The following ADAMTS18 variants were observed in gnomAD, a reference collection of about 807,000 sequenced individuals.
The protein encoded by ADAMTS18 is A disintegrin and metalloproteinase with thrombospondin motifs 18.
A neutral mutation model predicts 165.9 loss-of-function variants in ADAMTS18; 157 were observed. That is an observed-to-expected ratio of 0.95 (90% confidence interval 0.83 to 1.08). The LOEUF (loss-of-function observed/expected upper bound fraction) is 1.08. Ranked by LOEUF, ADAMTS18 falls within the 50% of genes least tolerant of loss-of-function variation. The pLI is 0.00. For synonymous variants in ADAMTS18, 782 were observed against 578.2 expected (o/e 1.35, Z -5.06); for missense variants, 2,040 against 1,534.0 (o/e 1.33, Z -5.51).
Position 77,283,530 on chromosome 16 carries a change from A to T in ADAMTS18, c.*426T>A, listed in dbSNP as rs1189193831. 3 of 200,546 alleles carry T rather than the reference A, an allele frequency of 1.5e-5. No individual in the cohort carries two copies. The highest frequency in any genetic ancestry group is 2.8e-4 in the East Asian group (2 of 7,238). The allele number at this position is 200,546 out of a possible 1,614,324, so 12.4% of individuals were successfully genotyped here. A position where few individuals can be genotyped will look rare whatever the true frequency, so the allele number is the denominator to read the frequency against. ...TGTGAACTCCACGCAACAGTTAGGC[A>T]AGGTATTCCATCCAGATTTGAAAGT... is the stretch of plus-strand genomic sequence containing the variant. On this transcript the variant is annotated 3_prime_UTR_variant, in exon 23 of 23. Coordinates refer to ENST00000282849, the MANE Select transcript of ADAMTS18 (RefSeq NM_199355.4).
At chr16:77,329,242 A>G (rs1216337483) in intron 12 of ADAMTS18, among the ~76,000 whole-genome samples, 1 of 152,050 alleles carries the variant, frequency 6.6e-6, no homozygotes, top group African/African-American at 2.4e-5. Flanking sequence ...AGTAGTTAGG[A>G]CTACAGGCAT....
intron 13 of ADAMTS18, among the ~76,000 whole-genome samples, chr16:77,324,921 G>C (rs929257883): frequency 6.6e-6 from 1 of 152,076 alleles, no homozygotes; most frequent in African/African-American, 2.4e-5. Context: ...CTGGCAAACA[G>C]TCATGACCCA....
intron 16 of ADAMTS18, among the ~76,000 whole-genome samples, chr16:77,310,386 A>G (rs928880633): frequency 6.6e-5 from 10 of 152,206 alleles, no homozygotes; most frequent in African/African-American, 2.2e-4. Context: ...AGTAGAAGAC[A>G]TTAGTTCAGT....
intron 3 of ADAMTS18, among the ~76,000 whole-genome samples, chr16:77,400,980 G>A (rs115418668): frequency 0.016 from 2,392 of 152,096 alleles, 66 homozygotes; most frequent in African/African-American, 0.054. Flanking sequence ...AAATTGCCAG[G>A]CATGGTGGCT....
At chr16:77,380,918 T>C (rs8044321) in intron 3 of ADAMTS18, among the ~76,000 whole-genome samples, 52,649 of 152,026 alleles carry the variant, frequency 0.35, 9,535 homozygotes, top group East Asian at 0.58. Context: ...CTGTCACCCA[T>C]GCTGGAGTAC....
intron 2 of ADAMTS18, among the ~76,000 whole-genome samples, chr16:77,433,723 C>T (rs923057225): frequency 1.3e-5 from 2 of 152,280 alleles, no homozygotes; most frequent in African/African-American, 4.8e-5. Context: ...TTCCTAGACA[C>T]CTTGCGTCAG....
intron 3 of ADAMTS18, among the ~76,000 whole-genome samples, chr16:77,390,347 G>A (rs1376582109): frequency 1.3e-5 from 2 of 152,152 alleles, no homozygotes; most frequent in East Asian, 1.9e-4. Context: ...GCAGGTAACT[G>A]TGTAGATCAG....
At chr16:77,312,069 T>G (rs2055791881) in intron 16 of ADAMTS18, among the ~76,000 whole-genome samples, 1 of 152,160 alleles carries the variant, frequency 6.6e-6, no homozygotes, top group Admixed American at 6.5e-5. Flanking sequence ...TATGATTTTA[T>G]TTAGATCTAC....
intron 3 of ADAMTS18, among the ~76,000 whole-genome samples, chr16:77,411,131 T>A (rs2057457482): frequency 6.6e-6 from 1 of 152,212 alleles, no homozygotes; most frequent in South Asian, 2.1e-4. Flanking sequence ...GCTTGATGCT[T>A]ATTGAGTATT....
intron 3 of ADAMTS18, among the ~76,000 whole-genome samples, chr16:77,386,282 T>G (rs2057106572): frequency 6.6e-6 from 1 of 152,176 alleles, no homozygotes; most frequent in African/African-American, 2.4e-5. Flanking sequence ...GGCTTAAAGA[T>G]GCAAATACCT....
intron 22 of ADAMTS18, among the ~76,000 whole-genome samples, chr16:77,286,166 C>G (rs1453560515): frequency 6.6e-6 from 1 of 152,114 alleles, no homozygotes; most frequent in Non-Finnish European, 1.5e-5. Context: ...GCCTCGGGGA[C>G]TTTGGGGTCT....
intron 3 of ADAMTS18, among the ~76,000 whole-genome samples, chr16:77,411,258 A>C (rs1388322628): frequency 6.6e-6 from 1 of 152,032 alleles, no homozygotes; most frequent in African/African-American, 2.4e-5. Flanking sequence ...TGACATATAT[A>C]TATCTCCCGG....
rs150603390 is a variant in ADAMTS18 at position 77,353,627 on chromosome 16, C to G, written c.1614+106G>C. ...AACAACTGACACGGTAGAGATAACC[C>G]AGAACCTAACCCTTGGCCTTGGCAA... On this transcript the variant is annotated intron_variant, in intron 10 of 22. Coordinates refer to ENST00000282849, the MANE Select transcript of ADAMTS18 (RefSeq NM_199355.4). The G allele has an allele frequency of 7.3e-6, 11 of 1,500,490 alleles. No individual in the cohort carries two copies. In the African/African-American group the frequency reaches 1.5e-4, roughly 21 times the overall value. 92.9% of individuals were successfully genotyped at this position (1,500,490 alleles called of 1,614,324 possible).
At chr16:77,301,110 A>G (rs1314347400) in intron 16 of ADAMTS18, among the ~76,000 whole-genome samples, 1 of 152,230 alleles carries the variant, frequency 6.6e-6, no homozygotes, top group African/African-American at 2.4e-5. Context: ...CTTAACCTCC[A>G]AAAAGGCAAC....
At chr16:77,318,372 A>T (rs112482019) in intron 16 of ADAMTS18, among the ~76,000 whole-genome samples, 147 of 152,290 alleles carry the variant, frequency 9.7e-4, no homozygotes, top group African/African-American at 3.4e-3. Flanking sequence ...GTGCTATATT[A>T]AGATAATGGT....
chr16:77,423,656 A>G (rs989724064), intron 3 of ADAMTS18, among the ~76,000 whole-genome samples: 1 of 152,190 alleles, frequency 6.6e-6, no homozygotes, highest in African/African-American at 2.4e-5. Context: ...GTCCAAAGAC[A>G]TTACACTATG....
At chr16:77,406,349 G>A (rs1015369189) in intron 3 of ADAMTS18, among the ~76,000 whole-genome samples, 1 of 152,010 alleles carries the variant, frequency 6.6e-6, no homozygotes, top group Non-Finnish European at 1.5e-5. Context: ...CTGATAGAGG[G>A]TATCTCAAAA....
chr16:77,311,698 G>A (rs1343382556), intron 16 of ADAMTS18, among the ~76,000 whole-genome samples: 1 of 53,604 alleles, frequency 1.9e-5, no homozygotes, highest in Non-Finnish European at 3.7e-5. Context: ...TAGATTACTG[G>A]AGTTTTCTTT....
At position 77,324,250 on chromosome 16, in the gene ADAMTS18, A is replaced by G. The variant is rs545379347; in HGVS notation, c.2032+1616T>C. Among the ~76,000 whole-genome samples the G allele has an allele frequency of 6.5e-4, 99 of 152,342 alleles. 1 individual carries two copies. Among genetic ancestry groups the G allele is most frequent in the African/African-American group, 1.4e-3 (58 of 41,594 alleles). ...CATGGGACCTCAAGAGTATACAACC[A>G]ACAGAAAGGAAATCTTCCAAGTCTG... On this transcript the variant is annotated intron_variant, in intron 13 of 22. Coordinates refer to ENST00000282849, the MANE Select transcript of ADAMTS18 (RefSeq NM_199355.4).
Sources: gnomAD v4.1 joint callset for allele counts (sites outside exome capture counted in the v4.1 genomes callset) on GRCh38, gnomAD v4.1.1 for gene constraint, MANE v1.5 for transcripts, NCBI Gene and HGNC (gene_info 2026-07-23, HGNC 2026-07-21) for gene names.